The following RNF38 variants were observed in gnomAD, a reference collection of about 807,000 sequenced individuals.
RNF38 encodes the protein ring finger protein 38, also known as E3 ubiquitin-protein ligase RNF38.
A neutral mutation model predicts 67.2 loss-of-function variants in RNF38; 15 were observed. The ratio of observed to expected loss-of-function variants is 0.22; its 90% confidence interval spans 0.15 to 0.34. The LOEUF is 0.34. RNF38 is among the 10% of genes least tolerant of loss of function. The pLI is 1.00. For synonymous variants in RNF38, 220 were observed against 218.8 expected (o/e 1.01, Z -0.05); for missense variants, 524 against 639.9 (o/e 0.82, Z 1.95).
intron 1 of RNF38, among the ~76,000 whole-genome samples, chr9:36,453,320 T>G (rs1839504580): frequency 6.6e-6 from 1 of 151,832 alleles, no homozygotes; most frequent in African/African-American, 2.4e-5. Flanking sequence ...ACTCAAGCAA[T>G]CTTGCTGCCT....
intron 2 of RNF38, among the ~76,000 whole-genome samples, chr9:36,385,349 G>C (rs1172728446): frequency 1.3e-5 from 2 of 151,488 alleles, no homozygotes; most frequent in Non-Finnish European, 2.9e-5. Flanking sequence ...GTCACTGTTT[G>C]GTGGTCTGCT....
intron 3 of RNF38, 27 bp downstream of exon 3, chr9:36,375,907 T>G (rs373382794): frequency 2.0e-5 from 31 of 1,572,146 alleles, no homozygotes; most frequent in Admixed American, 4.1e-5. Context: ...GGAAGAAAAC[T>G]TAAGAAATAA....
intron 9 of RNF38, among the ~76,000 whole-genome samples, chr9:36,347,569 C>A (rs1388394888): frequency 6.6e-6 from 1 of 152,190 alleles, no homozygotes; most frequent in Non-Finnish European, 1.5e-5. Flanking sequence ...GTACCACAAA[C>A]TGTACTTGTA....
intron 10 of RNF38, among the ~76,000 whole-genome samples, chr9:36,342,736 A>G (rs963104543): frequency 6.6e-6 from 1 of 152,212 alleles, no homozygotes. Context: ...CCCCTACCTC[A>G]TACCATATAT....
intron 1 of RNF38, among the ~76,000 whole-genome samples, chr9:36,480,655 G>A (rs1039632747): frequency 4.1e-5 from 6 of 146,168 alleles, no homozygotes; most frequent in Admixed American, 7.2e-5. Flanking sequence ...AGGCTCAAGC[G>A]ATTCTCGTGC....
intron 9 of RNF38, among the ~76,000 whole-genome samples, chr9:36,348,421 G>A (rs552326598): frequency 2.4e-4 from 36 of 152,012 alleles, no homozygotes; most frequent in Non-Finnish European, 5.0e-4. Flanking sequence ...TGTACTGAGC[G>A]GAGTTCGTGG....
chr9:36,483,529 A>G (rs1052935638), intron 1 of RNF38, among the ~76,000 whole-genome samples: 4 of 152,250 alleles, frequency 2.6e-5, no homozygotes, highest in African/African-American at 9.6e-5. Context: ...TTCATTCATA[A>G]ACACATCAGG....
intron 4 of RNF38, among the ~76,000 whole-genome samples, chr9:36,367,577 TTC>T (rs1008668639): frequency 1.3e-5 from 2 of 148,344 alleles, no homozygotes; most frequent in Admixed American, 6.7e-5. Context: ...TTATTCTTTT[TTC>T]TTTTTTTTAA....
intron 1 of RNF38, among the ~76,000 whole-genome samples, chr9:36,397,446 A>T (rs2134106127): frequency 6.6e-6 from 1 of 152,326 alleles, no homozygotes; most frequent in East Asian, 1.9e-4. Context: ...AGGCAGTATT[A>T]GGAGAAACCA....
At chr9:36,394,360 T>C (rs1837371808) in intron 1 of RNF38, among the ~76,000 whole-genome samples, 1 of 152,176 alleles carries the variant, frequency 6.6e-6, no homozygotes, top group African/African-American at 2.4e-5. Flanking sequence ...GACTCCTGAT[T>C]CATGGAAATT....
At chr9:36,479,058 A>G (rs1019251107) in intron 1 of RNF38, among the ~76,000 whole-genome samples, 1 of 152,158 alleles carries the variant, frequency 6.6e-6, no homozygotes, top group South Asian at 2.1e-4. Flanking sequence ...TAAAACTCTG[A>G]AATGTATTCA....
At chr9:36,378,467 T>C (rs1452256624) in intron 2 of RNF38, among the ~76,000 whole-genome samples, 1 of 152,182 alleles carries the variant, frequency 6.6e-6, no homozygotes, top group Non-Finnish European at 1.5e-5. Flanking sequence ...TGAGTTACCA[T>C]GCCCAGCTTA....
intron 4 of RNF38, among the ~76,000 whole-genome samples, chr9:36,361,740 T>A (rs961805391): frequency 6.6e-6 from 1 of 152,208 alleles, no homozygotes; most frequent in Non-Finnish European, 1.5e-5. Context: ...GAGTTGGTGA[T>A]GCAGCGTTTC....
At chr9:36,341,872 G>T (rs1231432037) in intron 11 of RNF38, among the ~76,000 whole-genome samples, 1 of 43,014 alleles carries the variant, frequency 2.3e-5, no homozygotes. Flanking sequence ...ATATAAAGAA[G>T]CCCCTGCAAT....
intron 1 of RNF38, among the ~76,000 whole-genome samples, chr9:36,397,653 C>A (rs1416556495): frequency 6.6e-6 from 1 of 151,926 alleles, no homozygotes; most frequent in East Asian, 1.9e-4. Context: ...GTCCACAATC[C>A]CATAAGGTGA....
intron 1 of RNF38, among the ~76,000 whole-genome samples, chr9:36,471,414 T>C (rs1839994976): frequency 6.6e-6 from 1 of 152,234 alleles, no homozygotes; most frequent in South Asian, 2.1e-4. Context: ...AAAGGAAACA[T>C]GTTTACATCT....
In RNF38 at chr9:36,354,313, C is replaced by T. The variant is rs1259864085; in HGVS notation, c.910-982G>A. 5.3e-5 allele frequency among the ~76,000 whole-genome samples: 8 copies of T among 152,328 alleles called. No individual in the cohort carries two copies. The East Asian group carries it at 1.4e-3, about 26-fold the overall frequency. On this transcript the variant is annotated intron_variant, in intron 6 of 11. Coordinates refer to ENST00000259605, the MANE Select transcript of RNF38 (RefSeq NM_022781.5). Reference sequence around the variant, plus strand: ...GTTCAAGCAATTCTCCTGCCTCAGCCTCCTGAGTAGCTGGGGCTAGGGCGC... The same window carrying T: ...GTTCAAGCAATTCTCCTGCCTCAGCTTCCTGAGTAGCTGGGGCTAGGGCGC...
At chr9:36,481,774 G>A (rs937624795) in intron 1 of RNF38, among the ~76,000 whole-genome samples, 1 of 152,058 alleles carries the variant, frequency 6.6e-6, no homozygotes, top group Non-Finnish European at 1.5e-5. Context: ...AGGAAGTCCG[G>A]TCTTGTCCTT....
intron 3 of RNF38, among the ~76,000 whole-genome samples, chr9:36,370,372 C>A (rs1314104870): frequency 6.6e-6 from 1 of 152,000 alleles, no homozygotes; most frequent in African/African-American, 2.4e-5. Flanking sequence ...CTAACACATA[C>A]ATAAGACATA....
Sources: gnomAD v4.1 joint callset for allele counts (sites outside exome capture counted in the v4.1 genomes callset) on GRCh38, gnomAD v4.1.1 for gene constraint, MANE v1.5 for transcripts, NCBI Gene and HGNC (gene_info 2026-07-23, HGNC 2026-07-21) for gene names.